The following CLTCL1 variants were observed in gnomAD, a reference collection of about 807,000 sequenced individuals.
CLTCL1 encodes the protein clathrin heavy chain like 1.
CLTCL1 carries 159 observed loss-of-function variants against 190.0 expected under a neutral mutation model. The ratio of observed to expected loss-of-function variants is 0.84; its 90% CI spans 0.74 to 0.95. The LOEUF is 0.95. Among genes scored for constraint, CLTCL1 ranks in the 40% least tolerant of loss-of-function variants. The pLI, the probability that CLTCL1 is intolerant of heterozygous loss-of-function variation, is 0.00. For synonymous variants in CLTCL1, 752 were observed against 769.6 expected (o/e 0.98, Z 0.38); for missense variants, 1,878 against 2,033.4 (o/e 0.92, Z 1.47).
At position 19,223,951 on chromosome 22, in the gene CLTCL1, C is replaced by T. The variant is rs2085657243; in HGVS notation, c.2232G>A (p.Val744=). Residue 744 remains valine, a synonymous_variant, in exon 14 of 33, where the codon GTG becomes GTA. Coordinates refer to ENST00000427926, the MANE Select transcript of CLTCL1 (RefSeq NM_007098.4). The part of the protein sequence containing the change: ...AACKTGQIKE[V]ERICRESSCY... ...AGCTGCTCTCTCGGCATATCCTCTC[C>T]ACCTCCTTGATCTGCCCTGTCTTAC... 1 of 1,613,948 alleles carries T rather than the reference C, an allele frequency of 6.2e-7. No individual in the cohort carries two copies. Among genetic ancestry groups the T allele is most frequent in the African/African-American group, 1.3e-5 (1 of 75,036 alleles).
At chr22:19,239,665 G>A (rs782750728) in intron 4 of CLTCL1, among the ~76,000 whole-genome samples, 32 of 152,226 alleles carry the variant, frequency 2.1e-4, no homozygotes, top group Non-Finnish European at 4.1e-4. Context: ...CCCCGGGCCT[G>A]GATGCCGATG....
chr22:19,274,970 C>T (rs936813445), intron 2 of CLTCL1, among the ~76,000 whole-genome samples: 6 of 152,106 alleles, frequency 3.9e-5, no homozygotes, highest in Non-Finnish European at 7.4e-5. Context: ...CTCAGGTGAT[C>T]TGCCTGCCTC....
chr22:19,232,875 G>A, intron 9 of CLTCL1: 1 of 562,394 alleles, frequency 1.8e-6, no homozygotes, highest in Non-Finnish European at 3.1e-6. Context: ...ACAGGGATAA[G>A]ATCTGGGAGT....
chr22:19,267,669 G>A lies in CLTCL1; in HGVS notation c.250+7954C>T, dbSNP rs1601697037. On this transcript the variant is annotated intron_variant, in intron 2 of 32. Coordinates refer to ENST00000427926, the MANE Select transcript of CLTCL1 (RefSeq NM_007098.4). The stretch of plus-strand genomic sequence containing the variant: ...AATACTTTGTGAGGCTGAGGCAGGT[G>A]GATTACCTGAGGTCAGGAGTTCAAG... Among the ~76,000 whole-genome samples, 2 of 152,242 alleles carry A rather than the reference G, an allele frequency of 1.3e-5. 1 individual carries two copies. Among genetic ancestry groups the A allele is most frequent in the South Asian group, 4.1e-4 (2 of 4,822 alleles).
chr22:19,187,492 C>A, intron 29 of CLTCL1, 66 bp downstream of exon 29: 1 of 1,531,630 alleles, frequency 6.5e-7, no homozygotes, highest in Non-Finnish European at 8.9e-7. Context: ...AGGGATGTGA[C>A]CCCCAAAGCC....
Position 19,236,626 on chromosome 22 carries a change from C to G in CLTCL1, c.796-757G>C, listed in dbSNP as rs556216517. Among the ~76,000 whole-genome samples, 15 of 151,940 alleles carry G rather than the reference C, an allele frequency of 9.9e-5. No homozygotes were observed. The South Asian group carries it at 3.1e-3, about 32-fold the overall frequency. Reference sequence around the variant, plus strand: ...ACAGAGAGAGAAAATAATTAAGAGCCCTGAAAGAGAATGAATCATATATGA... The same window carrying G: ...ACAGAGAGAGAAAATAATTAAGAGCGCTGAAAGAGAATGAATCATATATGA... On this transcript the variant is annotated intron_variant, in intron 5 of 32. Coordinates refer to ENST00000427926, the MANE Select transcript of CLTCL1 (RefSeq NM_007098.4).
At chr22:19,291,009 A>T (rs548378626) in intron 1 of CLTCL1, among the ~76,000 whole-genome samples, 5 of 152,210 alleles carry the variant, frequency 3.3e-5, no homozygotes, top group Non-Finnish European at 7.3e-5. Context: ...TGCTCAAAGC[A>T]GGGGGCCAGT....
At chr22:19,183,260 AGCCAGGGCTGGCTGGGGAATCTGGGTTG>A in intron 30 of CLTCL1, 102 bp downstream of exon 30, 1 of 735,622 alleles carries the variant, frequency 1.4e-6, no homozygotes, top group East Asian at 2.7e-5. Flanking sequence ...TCCTGAAGGC[AGCCAGGGCTGGCTGGGGAATCTGGGTTG>A]GCCTCAAAGG....
At chr22:19,237,984 A>G (rs1338373234) in intron 5 of CLTCL1, among the ~76,000 whole-genome samples, 1 of 152,240 alleles carries the variant, frequency 6.6e-6, no homozygotes, top group Non-Finnish European at 1.5e-5. Context: ...TAGATTATAT[A>G]ATCTTACATA....
At chr22:19,250,092 A>G (rs2146034370) in intron 3 of CLTCL1, 1 of 212,860 alleles carries the variant, frequency 4.7e-6, no homozygotes, top group South Asian at 6.9e-5. Flanking sequence ...TGTCTCTACT[A>G]AAAACGCAAA....
At chr22:19,268,200 C>T (rs910954912) in intron 2 of CLTCL1, among the ~76,000 whole-genome samples, 1 of 152,168 alleles carries the variant, frequency 6.6e-6, no homozygotes, top group African/African-American at 2.4e-5. Flanking sequence ...AGTGTTCCTC[C>T]CCTCCAGAGG....
intron 2 of CLTCL1, among the ~76,000 whole-genome samples, chr22:19,256,293 G>A: frequency 6.6e-6 from 1 of 150,908 alleles, no homozygotes; most frequent in East Asian, 1.9e-4. Flanking sequence ...AAGTAGTTGG[G>A]ACTATAGGCA....
intron 2 of CLTCL1, among the ~76,000 whole-genome samples, chr22:19,269,403 G>GA (rs1299147034): frequency 4.7e-5 from 7 of 149,898 alleles, no homozygotes; most frequent in Non-Finnish European, 7.4e-5. Flanking sequence ...GACTCCATCT[G>GA]AAAAAAAAAG....
intron 22 of CLTCL1, among the ~76,000 whole-genome samples, chr22:19,202,525 T>C: frequency 4.7e-5 from 2 of 42,716 alleles, no homozygotes; most frequent in Non-Finnish European, 8.6e-5. Flanking sequence ...TCACGGCACC[T>C]CCCCCACCAC....
intron 14 of CLTCL1, 46 bp from the exon 15 acceptor site, chr22:19,222,855 G>C: frequency 6.4e-7 from 1 of 1,567,794 alleles, no homozygotes; most frequent in Non-Finnish European, 8.6e-7. Flanking sequence ...GGAGAAACCA[G>C]ACAGCCAGAC....
intron 2 of CLTCL1, among the ~76,000 whole-genome samples, chr22:19,267,588 G>A (rs768603815): frequency 6.6e-6 from 1 of 152,016 alleles, no homozygotes; most frequent in South Asian, 2.1e-4. Flanking sequence ...TCAAGTAATC[G>A]GTGCAAGAAT....
At chr22:19,288,731 T>TG (rs1555991574) in intron 1 of CLTCL1, among the ~76,000 whole-genome samples, 1 of 152,194 alleles carries the variant, frequency 6.6e-6, no homozygotes, top group East Asian at 1.9e-4. Context: ...ATCAAGCTTA[T>TG]GGGAATACAT....
At chr22:19,206,804 A>G (rs2085064101) in intron 22 of CLTCL1, among the ~76,000 whole-genome samples, 1 of 152,144 alleles carries the variant, frequency 6.6e-6, no homozygotes, top group Non-Finnish European at 1.5e-5. Context: ...TAACTAATAT[A>G]GAGTTATAAT....
chr22:19,281,637 G>A (rs1555986769), intron 1 of CLTCL1, among the ~76,000 whole-genome samples: 1 of 152,184 alleles, frequency 6.6e-6, no homozygotes, highest in African/African-American at 2.4e-5. Flanking sequence ...TCCGGCTTTA[G>A]CAGGATAGGA....
Sources: gnomAD v4.1 joint callset for allele counts (sites outside exome capture counted in the v4.1 genomes callset) on GRCh38, gnomAD v4.1.1 for gene constraint, MANE v1.5 for transcripts, NCBI Gene and HGNC (gene_info 2026-07-23, HGNC 2026-07-21) for gene names.